NCK1: variants seen among roughly 807,000 people sequenced by gnomAD.
NCK1 encodes SH2/SH3 adapter protein NCK1.
In NCK1, 19 loss-of-function variants were observed where a neutral mutation model predicts 36.6. That is an observed-to-expected ratio of 0.52 (90% CI 0.36 to 0.76). The LOEUF (loss-of-function observed/expected upper bound fraction) is 0.76, where lower values mean the gene tolerates loss of function less well. Among genes scored for constraint, NCK1 ranks in the 30% least tolerant of loss-of-function variants. The pLI, the probability that NCK1 is intolerant of heterozygous loss-of-function variation, is 0.00. For synonymous variants in NCK1, 165 were observed against 156.0 expected (o/e 1.06, Z -0.43); for missense variants, 358 against 445.6 (o/e 0.80, Z 1.77).
intron 1 of NCK1, among the ~76,000 whole-genome samples, chr3:136,867,265 CTT>C (rs1491461481): frequency 6.6e-4 from 79 of 120,454 alleles, no homozygotes; most frequent in Middle Eastern, 4.4e-3. Context: ...CTCTCTCTCT[CTT>C]TCTTTCTTTC....
At chr3:136,874,921 T>TG (rs1938724419) in intron 1 of NCK1, among the ~76,000 whole-genome samples, 3 of 152,236 alleles carry the variant, frequency 2.0e-5, no homozygotes, top group Admixed American at 2.0e-4. Flanking sequence ...GTCATCCTTT[T>TG]GAGAAGTCTG....
intron 2 of NCK1, chr3:136,930,559 A>C: frequency 6.8e-7 from 1 of 1,476,794 alleles, no homozygotes; most frequent in Non-Finnish European, 9.0e-7. Context: ...TTTTTACTCA[A>C]AATGGATTGG....
At chr3:136,942,957 A>G (rs1940715053) in intron 2 of NCK1, among the ~76,000 whole-genome samples, 1 of 152,130 alleles carries the variant, frequency 6.6e-6, no homozygotes, top group Non-Finnish European at 1.5e-5. Flanking sequence ...CACAATCACA[A>G]TTGTTTAAGA....
At chr3:136,921,714 C>T (rs904594590) in intron 1 of NCK1, among the ~76,000 whole-genome samples, 2 of 152,046 alleles carry the variant, frequency 1.3e-5, no homozygotes, top group African/African-American at 4.8e-5. Flanking sequence ...TTTGCCAAAA[C>T]AAAAGGGGAA....
At chr3:136,893,091 C>T in intron 1 of NCK1, among the ~76,000 whole-genome samples, 1 of 150,308 alleles carries the variant, frequency 6.7e-6, no homozygotes. Flanking sequence ...CAGTTCCATC[C>T]AGGCTGCTGC....
chr3:136,906,634 C>T (rs1939693443), intron 1 of NCK1, among the ~76,000 whole-genome samples: 1 of 152,146 alleles, frequency 6.6e-6, no homozygotes, highest in South Asian at 2.1e-4. Flanking sequence ...TTTTAAACCT[C>T]TGTGCAGTGG....
intron 1 of NCK1, among the ~76,000 whole-genome samples, chr3:136,869,586 G>A (rs1345437061): frequency 6.6e-6 from 1 of 152,106 alleles, no homozygotes; most frequent in Non-Finnish European, 1.5e-5. Context: ...GTTCCATTTG[G>A]TGAGTTAGAG....
intron 1 of NCK1, among the ~76,000 whole-genome samples, chr3:136,887,577 T>C (rs1000403846): frequency 1.3e-5 from 2 of 152,196 alleles, no homozygotes; most frequent in African/African-American, 4.8e-5. Context: ...GCCAGTTACA[T>C]ATAATTGGTG....
At chr3:136,939,888 T>C (rs1310165202) in intron 2 of NCK1, among the ~76,000 whole-genome samples, 2 of 145,546 alleles carry the variant, frequency 1.4e-5, no homozygotes, top group African/African-American at 5.1e-5. Context: ...TCTCTCTTTG[T>C]TACCTAGGCT....
At chr3:136,938,468 C>A (rs537825925) in intron 2 of NCK1, among the ~76,000 whole-genome samples, 68 of 152,280 alleles carry the variant, frequency 4.5e-4, no homozygotes, top group African/African-American at 1.6e-3. Context: ...GTTCTTCCTT[C>A]TTATTTCAGC....
chr3:136,864,811 G>A (rs1254791525), intron 1 of NCK1, among the ~76,000 whole-genome samples: 6 of 142,000 alleles, frequency 4.2e-5, no homozygotes, highest in Non-Finnish European at 7.5e-5. Context: ...AGGCTGGAGT[G>A]CAGTGGCACG....
chr3:136,879,058 CAT>C (rs1449131380), intron 1 of NCK1, among the ~76,000 whole-genome samples: 1 of 151,418 alleles, frequency 6.6e-6, no homozygotes, highest in Non-Finnish European at 1.5e-5. Context: ...GATCACCAGA[CAT>C]GTGAAGAAAG....
At chr3:136,945,250 C>G (rs1487134762) in intron 2 of NCK1, among the ~76,000 whole-genome samples, 2 of 151,972 alleles carry the variant, frequency 1.3e-5, no homozygotes, top group Admixed American at 1.3e-4. Context: ...TAGATTGTAG[C>G]TATGAAAGAA....
chr3:136,899,194 C>G, intron 1 of NCK1: 1 of 226,344 alleles, frequency 4.4e-6, no homozygotes, highest in South Asian at 7.3e-5. Context: ...GCTGCTACTT[C>G]CAGATGCTGG....
At chr3:136,912,975 T>A (rs751434194) in intron 1 of NCK1, among the ~76,000 whole-genome samples, 5 of 151,954 alleles carry the variant, frequency 3.3e-5, no homozygotes, top group Non-Finnish European at 7.4e-5. Flanking sequence ...AGGTTTTCTA[T>A]CTCTTTACTC....
At chr3:136,916,549 C>G (rs527981612) in intron 1 of NCK1, among the ~76,000 whole-genome samples, 1 of 151,944 alleles carries the variant, frequency 6.6e-6, no homozygotes, top group African/African-American at 2.4e-5. Flanking sequence ...AATATGCTTA[C>G]TAGAAGAGAT....
chr3:136,942,349 CTTGTT>C (rs1321887941), intron 2 of NCK1, among the ~76,000 whole-genome samples: 1 of 152,194 alleles, frequency 6.6e-6, no homozygotes, highest in African/African-American at 2.4e-5. Context: ...TTGTTGTTTG[CTTGTT>C]TAGTGACTTT....
chr3:136,921,672 G>C (rs946029770), intron 1 of NCK1, among the ~76,000 whole-genome samples: 3 of 152,202 alleles, frequency 2.0e-5, no homozygotes, highest in Non-Finnish European at 2.9e-5. Context: ...TATTGCAGTA[G>C]GGAAGAGTGT....
intron 2 of NCK1, among the ~76,000 whole-genome samples, chr3:136,944,111 CCTTTTTTTTTTTTTTT>C (rs1304851606): frequency 1.5e-4 from 12 of 80,924 alleles, no homozygotes; most frequent in South Asian, 4.3e-4. Flanking sequence ...GGAAAAACAA[CCTTTTTTTTTTTTTTT>C]TTTTTTTTTT....
Sources: allele counts gnomAD v4.1 joint callset (sites outside exome capture counted in the v4.1 genomes callset), GRCh38; gene constraint gnomAD v4.1.1; transcripts MANE v1.5; gene names NCBI Gene and HGNC (gene_info 2026-07-23, HGNC 2026-07-21).